NYAP2: variants seen among roughly 807,000 people sequenced by gnomAD.
The protein encoded by NYAP2 is neuronal tyrosine-phosphorylated phosphoinositide-3-kinase adaptor 2.
In NYAP2, 23 loss-of-function variants were observed where a neutral mutation model predicts 50.4. The observed-to-expected ratio is 0.46, with a 90% confidence interval of 0.33 to 0.65. The LOEUF is 0.65. Ranked by LOEUF, NYAP2 falls within the 30% of genes least tolerant of loss-of-function variation. NYAP2 has a pLI of 0.02. For missense variants in NYAP2, 885 were observed against 861.0 expected (o/e 1.03, Z -0.35); for synonymous variants, 394 against 365.2 (o/e 1.08, Z -0.90).
chr2:225,625,894 G>A (rs1693201583), intron 5 of NYAP2, among the ~76,000 whole-genome samples: 1 of 152,198 alleles, frequency 6.6e-6, no homozygotes, highest in Non-Finnish European at 1.5e-5. Context: ...GATAGAGTCA[G>A]AGACGGGTTG....
chr2:225,655,929 TACACACATACACAC>T (rs1313512289), downstream of NYAP2, among the ~76,000 whole-genome samples: 1 of 62,266 alleles, frequency 1.6e-5, no homozygotes, highest in Non-Finnish European at 3.8e-5. Flanking sequence ...CACACACACA[TACACACATACACAC>T]ACACACACAC....
chr2:225,560,268 A>G (rs921045124), intron 4 of NYAP2, among the ~76,000 whole-genome samples: 1 of 152,126 alleles, frequency 6.6e-6, no homozygotes, highest in Non-Finnish European at 1.5e-5. Context: ...TTTATTGCAG[A>G]GTACTTTATT....
rs193071583 is a variant in NYAP2 at position 225,648,055 on chromosome 2, C to A, written c.1829-3377C>A. Among the ~76,000 whole-genome samples, 1,088 of 152,224 alleles carry A rather than the reference C, an allele frequency of 7.1e-3. 18 individuals carry two copies. The highest frequency in any genetic ancestry group is 0.025 in the African/African-American group (1,035 of 41,536). ...TGCTCTTGTTGCCCAGGCTGGAGTGCAATGGCATGGTCTTGGCTCAGTGCA... is the reference window on the plus strand; with the variant it reads ...TGCTCTTGTTGCCCAGGCTGGAGTGAAATGGCATGGTCTTGGCTCAGTGCA... On this transcript the variant is annotated intron_variant, in intron 6 of 6. Coordinates refer to ENST00000636099, the Ensembl canonical transcript of NYAP2.
intron 4 of NYAP2, among the ~76,000 whole-genome samples, chr2:225,525,228 T>A (rs759508867): frequency 6.6e-6 from 1 of 152,210 alleles, no homozygotes; most frequent in Non-Finnish European, 1.5e-5. Context: ...ATCTCACTAC[T>A]AGGTATATAC....
chr2:225,541,323 A>T (rs1691467698), intron 4 of NYAP2, among the ~76,000 whole-genome samples: 1 of 151,920 alleles, frequency 6.6e-6, no homozygotes, highest in African/African-American at 2.4e-5. Flanking sequence ...TTTTTGCTTT[A>T]GTTGCCTGTG....
chr2:225,564,808 A>G (rs1007902529), intron 4 of NYAP2, among the ~76,000 whole-genome samples: 1 of 152,160 alleles, frequency 6.6e-6, no homozygotes, highest in Non-Finnish European at 1.5e-5. Context: ...AGTATAGAAA[A>G]TAACTCACCA....
At chr2:225,531,011 T>C (rs1450600506) in intron 4 of NYAP2, among the ~76,000 whole-genome samples, 2 of 152,258 alleles carry the variant, frequency 1.3e-5, no homozygotes, top group African/African-American at 4.8e-5. Context: ...GCAGGTTCAC[T>C]TTCACAAATC....
intron 4 of NYAP2, among the ~76,000 whole-genome samples, chr2:225,556,903 T>C (rs1691786416): frequency 6.6e-6 from 1 of 152,184 alleles, no homozygotes; most frequent in African/African-American, 2.4e-5. Context: ...GGCTAATGCA[T>C]GTCAATATCT....
chr2:225,463,816 C>A (rs2106155307), intron 3 of NYAP2, among the ~76,000 whole-genome samples: 1 of 152,248 alleles, frequency 6.6e-6, no homozygotes, highest in Non-Finnish European at 1.5e-5. Flanking sequence ...GTTTATCTGG[C>A]TGTGGATTGT....
the NYAP2 span, among the ~76,000 whole-genome samples, chr2:225,670,453 T>G: frequency 3.3e-5 from 5 of 152,086 alleles, no homozygotes; most frequent in African/African-American, 7.2e-5. Context: ...AATGAGTCTT[T>G]AGGCCATTTC....
the NYAP2 span, among the ~76,000 whole-genome samples, chr2:225,682,733 A>C: frequency 2.6e-5 from 4 of 152,174 alleles, no homozygotes; most frequent in Non-Finnish European, 4.4e-5. Flanking sequence ...TTGGAATGAG[A>C]CCTAGGAGTC....
chr2:225,665,639 T>C, the NYAP2 span, among the ~76,000 whole-genome samples: 3 of 146,144 alleles, frequency 2.1e-5, no homozygotes, highest in East Asian at 6.0e-4. Flanking sequence ...TGAAACCCCG[T>C]CTCTACTAAA....
chr2:225,633,648 G>A (rs1693358521), intron 6 of NYAP2, among the ~76,000 whole-genome samples: 1 of 152,124 alleles, frequency 6.6e-6, no homozygotes, highest in African/African-American at 2.4e-5. Context: ...TCTATTGCAA[G>A]CTGATGCACC....
At chr2:225,645,902 C>G (rs1693629011) in intron 6 of NYAP2, among the ~76,000 whole-genome samples, 1 of 151,838 alleles carries the variant, frequency 6.6e-6, no homozygotes, top group South Asian at 2.1e-4. Flanking sequence ...ATGCACAGAT[C>G]CTAAAGGATC....
intron 3 of NYAP2, among the ~76,000 whole-genome samples, chr2:225,502,506 A>G (rs2106178529): frequency 6.6e-6 from 1 of 152,334 alleles, no homozygotes; most frequent in African/African-American, 2.4e-5. Context: ...TATTTAATTA[A>G]TACTTATTGG....
chr2:225,683,863 A>C, the NYAP2 span, among the ~76,000 whole-genome samples: 369 of 152,272 alleles, frequency 2.4e-3, no homozygotes, highest in South Asian at 0.013. Flanking sequence ...GGTTTCTCAT[A>C]AGGGACGTTC....
At chr2:225,655,921 C>CAT (rs1693816399), downstream of NYAP2, among the ~76,000 whole-genome samples, 1 of 123,828 alleles carries the variant, frequency 8.1e-6, no homozygotes, top group Admixed American at 7.9e-5. Flanking sequence ...CACACACACA[C>CAT]ACACACATAC....
chr2:225,584,739 A>C (rs1005176194), intron 5 of NYAP2, among the ~76,000 whole-genome samples: 2 of 152,240 alleles, frequency 1.3e-5, no homozygotes, highest in African/African-American at 4.8e-5. Flanking sequence ...AGCTACTTCA[A>C]TAATTGCCCC....
At chr2:225,549,516 G>C (rs936219169) in intron 4 of NYAP2, among the ~76,000 whole-genome samples, 1 of 152,158 alleles carries the variant, frequency 6.6e-6, no homozygotes, top group Non-Finnish European at 1.5e-5. Context: ...AAAGTACTGG[G>C]TTTCAGATGG....
Sources: gnomAD v4.1 joint callset for allele counts (sites outside exome capture counted in the v4.1 genomes callset) on GRCh38, gnomAD v4.1.1 for gene constraint, MANE v1.5 for transcripts, NCBI Gene and HGNC (gene_info 2026-07-23, HGNC 2026-07-21) for gene names.